Variants in HECW1 observed in about 807,000 individuals in gnomAD.
HECW1 encodes the protein E3 ubiquitin-protein ligase HECW1.
Under a neutral mutation model 182.3 loss-of-function variants are expected in HECW1, and 61 were observed. The ratio of observed to expected loss-of-function variants is 0.33; its 90% CI spans 0.27 to 0.41. The LOEUF (loss-of-function observed/expected upper bound fraction) is 0.41, where lower values mean the gene tolerates loss of function less well. Among genes scored for constraint, HECW1 ranks in the 10% least tolerant of loss-of-function variants. The pLI is 1.00. For synonymous variants in HECW1, 859 were observed against 832.6 expected (o/e 1.03, Z -0.55); for missense variants, 1,739 against 2,108.9 (o/e 0.82, Z 3.44).
chr7:43,224,896 A>C (rs988220230), intron 2 of HECW1, among the ~76,000 whole-genome samples: 3 of 152,100 alleles, frequency 2.0e-5, no homozygotes, highest in African/African-American at 7.2e-5. Context: ...GGTGTAGTGG[A>C]GGGAGTGGCT....
At chr7:43,483,652 G>A (rs1451090762) in intron 17 of HECW1, among the ~76,000 whole-genome samples, 2 of 148,410 alleles carry the variant, frequency 1.3e-5, no homozygotes, top group Admixed American at 7.0e-5. Flanking sequence ...GGGTTCAAGC[G>A]ATTCTCCTGC....
chr7:43,438,847 A>G (rs1364833331), intron 9 of HECW1: 2 of 152,256 alleles, frequency 1.3e-5, no homozygotes, highest in Non-Finnish European at 2.9e-5. Context: ...ATTGATAAAC[A>G]TATACTTATA....
intron 3 of HECW1, among the ~76,000 whole-genome samples, chr7:43,287,405 T>C (rs943470843): frequency 3.3e-5 from 5 of 151,046 alleles, no homozygotes; most frequent in African/African-American, 7.3e-5. Context: ...GAGCCAGGAG[T>C]CCAGGGTTGC....
In HECW1 at chr7:43,308,021, AAT is replaced by A. The variant is rs971492631; in HGVS notation, c.28-3737_28-3736del. Among the ~76,000 whole-genome samples, 4 of 116,588 alleles carry A rather than the reference AAT, an allele frequency of 3.4e-5. 1 individual carries two copies. Among genetic ancestry groups the A allele is most frequent in the African/African-American group, 1.4e-4 (4 of 29,512 alleles). 76.5% of individuals were successfully genotyped at this position (116,588 alleles called of 152,430 possible). A position where few individuals can be genotyped will look rare whatever the true frequency, so the allele number is the denominator to read the frequency against. ...ATAATATATAATATACAGTATATAT[AAT>A]ATATTATATATTATATTGTATTATA... is the stretch of plus-strand genomic sequence containing the variant. On this transcript the variant is annotated intron_variant, in intron 3 of 29. Coordinates refer to ENST00000395891, the MANE Select transcript of HECW1 (RefSeq NM_015052.5).
chr7:43,532,729 A>G (rs4720447), intron 24 of HECW1, among the ~76,000 whole-genome samples: 7,998 of 152,200 alleles, frequency 0.053, 518 homozygotes, highest in African/African-American at 0.15. Flanking sequence ...ACTCCCTGGC[A>G]CATTCAGAAG....
chr7:43,545,237 T>C (rs1012544465), intron 26 of HECW1, among the ~76,000 whole-genome samples: 1 of 152,198 alleles, frequency 6.6e-6, no homozygotes, highest in African/African-American at 2.4e-5. Flanking sequence ...GACTTTTCAT[T>C]TTATGGCCTT....
intron 3 of HECW1, among the ~76,000 whole-genome samples, chr7:43,284,502 CAAAAAAA>C (rs1165081149): frequency 1.9e-5 from 1 of 53,790 alleles, no homozygotes; most frequent in Admixed American, 2.2e-4. Flanking sequence ...CCCATTTCTA[CAAAAAAA>C]AAAAAAAAAA....
chr7:43,514,764 C>G (rs916678037), intron 24 of HECW1, among the ~76,000 whole-genome samples: 2 of 152,078 alleles, frequency 1.3e-5, no homozygotes, highest in Admixed American at 6.5e-5. Context: ...TGAGAACATG[C>G]TAAATATACC....
chr7:43,165,591 G>C (rs1170801522), intron 2 of HECW1, among the ~76,000 whole-genome samples: 1 of 152,148 alleles, frequency 6.6e-6, no homozygotes, highest in Non-Finnish European at 1.5e-5. Flanking sequence ...CATTTGAAAA[G>C]GACACAACTC....
At chr7:43,295,864 A>G (rs537696972) in intron 3 of HECW1, among the ~76,000 whole-genome samples, 1 of 152,342 alleles carries the variant, frequency 6.6e-6, no homozygotes, top group South Asian at 2.1e-4. Context: ...GTTTTCCAAA[A>G]GTAGTGGCAT....
intron 2 of HECW1, among the ~76,000 whole-genome samples, chr7:43,225,601 AT>A (rs1366598510): frequency 6.6e-6 from 1 of 152,244 alleles, no homozygotes; most frequent in Non-Finnish European, 1.5e-5. Flanking sequence ...GCCTATATTA[AT>A]GTAGGTAAGT....
intron 2 of HECW1, among the ~76,000 whole-genome samples, chr7:43,156,713 A>G (rs1789918039): frequency 6.6e-6 from 1 of 152,170 alleles, no homozygotes; most frequent in Non-Finnish European, 1.5e-5. Flanking sequence ...TCTTCCAGGC[A>G]TGTGGTAGCC....
At chr7:43,488,598 G>A (rs1339895407) in intron 17 of HECW1, among the ~76,000 whole-genome samples, 1 of 152,228 alleles carries the variant, frequency 6.6e-6, no homozygotes, top group Admixed American at 6.5e-5. Context: ...CGTCCCTCGG[G>A]ATGGATTGTT....
chr7:43,338,769 G>A (rs997453188), intron 5 of HECW1, among the ~76,000 whole-genome samples: 2 of 151,132 alleles, frequency 1.3e-5, no homozygotes, highest in African/African-American at 4.9e-5. Context: ...AATCTGTTCT[G>A]TTTCTCTTCA....
At chr7:43,317,134 C>T (rs987623086) in intron 4 of HECW1, among the ~76,000 whole-genome samples, 1 of 152,130 alleles carries the variant, frequency 6.6e-6, no homozygotes, top group African/African-American at 2.4e-5. Context: ...AGACCAGGCT[C>T]TTGGGCCTGT....
intron 8 of HECW1, among the ~76,000 whole-genome samples, chr7:43,423,572 G>A (rs1426804500): frequency 6.6e-6 from 1 of 152,190 alleles, no homozygotes; most frequent in Non-Finnish European, 1.5e-5. Flanking sequence ...GAGTTTTTGA[G>A]TGCAGCAGTG....
chr7:43,305,488 C>A (rs932586181), intron 3 of HECW1, among the ~76,000 whole-genome samples: 1 of 152,112 alleles, frequency 6.6e-6, no homozygotes, highest in African/African-American at 2.4e-5. Flanking sequence ...AGGCTCAAAT[C>A]CCCATTTCCT....
chr7:43,256,810 G>A (rs573701262), intron 3 of HECW1, among the ~76,000 whole-genome samples: 2 of 151,992 alleles, frequency 1.3e-5, no homozygotes, highest in Non-Finnish European at 2.9e-5. Context: ...CCCCTTCTCT[G>A]CATCTGGCTT....
intron 3 of HECW1, among the ~76,000 whole-genome samples, chr7:43,283,005 C>A (rs575711100): frequency 6.6e-6 from 1 of 152,134 alleles, no homozygotes; most frequent in South Asian, 2.1e-4. Flanking sequence ...GTAATCCCAG[C>A]TACTCGGGAG....
Sources: allele counts gnomAD v4.1 joint callset (sites outside exome capture counted in the v4.1 genomes callset), GRCh38; gene constraint gnomAD v4.1.1; transcripts MANE v1.5; gene names NCBI Gene and HGNC (gene_info 2026-07-23, HGNC 2026-07-21).